The following CNOT8 variants were observed in gnomAD, a reference collection of about 807,000 sequenced individuals.
CNOT8 encodes the protein CAF1-like protein.
A neutral mutation model predicts 34.6 loss-of-function variants in CNOT8; 18 were observed. The observed-to-expected ratio is 0.52, with a 90% CI of 0.36 to 0.77. The LOEUF is 0.77. Among genes scored for constraint, CNOT8 ranks in the 30% least tolerant of loss-of-function variants. The pLI is 0.00. For synonymous variants in CNOT8, 101 were observed against 118.8 expected, an observed-to-expected ratio of 0.85 and a Z score of 0.98; for missense variants, 189 against 347.9, an observed-to-expected ratio of 0.54 and a Z score of 3.63.
intron 3 of CNOT8, chr5:154,870,394 T>G (rs1184947021): frequency 3.6e-5 from 9 of 246,716 alleles, no homozygotes; most frequent in Non-Finnish European, 6.2e-5. Context: ...TTATTGGTTT[T>G]TTTTTTTTTT....
intron 6 of CNOT8, 67 bp downstream of exon 6, chr5:154,872,718 G>T: frequency 1.2e-6 from 1 of 851,066 alleles, no homozygotes; most frequent in Non-Finnish European, 1.9e-6. Flanking sequence ...GGAGGTAGTG[G>T]ATGGTCTGTT....
At chr5:154,861,581 G>C (rs569224175) in intron 1 of CNOT8, among the ~76,000 whole-genome samples, 1 of 152,162 alleles carries the variant, frequency 6.6e-6, no homozygotes, top group Non-Finnish European at 1.5e-5. Context: ...ACTTACATTC[G>C]TTTTACTGTT....
At chr5:154,864,635 T>C (rs1474698567) in intron 2 of CNOT8, among the ~76,000 whole-genome samples, 1 of 152,230 alleles carries the variant, frequency 6.6e-6, no homozygotes, top group Non-Finnish European at 1.5e-5. Flanking sequence ...CTTAATTGAC[T>C]GCATATCTAC....
chr5:154,860,733 T>G (rs1439161947), intron 1 of CNOT8, among the ~76,000 whole-genome samples: 2 of 152,226 alleles, frequency 1.3e-5, no homozygotes, highest in African/African-American at 4.8e-5. Context: ...ATTCAGGGGC[T>G]TGCAAGCTAT....
intron 5 of CNOT8, among the ~76,000 whole-genome samples, chr5:154,872,257 AT>A (rs1762557089): frequency 6.6e-6 from 1 of 152,238 alleles, no homozygotes; most frequent in Non-Finnish European, 1.5e-5. Flanking sequence ...GCTGTCTAGA[AT>A]TAGAGTGGGA....
intron 1 of CNOT8, 39 bp from the exon 2 acceptor site, chr5:154,863,168 G>T (rs1024735133): frequency 1.5e-5 from 11 of 738,302 alleles, no homozygotes; most frequent in South Asian, 1.1e-4. Flanking sequence ...TCTTATGTGT[G>T]TGTAAACTTA....
chr5:154,866,132 G>A (rs1292644683), intron 3 of CNOT8, among the ~76,000 whole-genome samples: 1 of 152,162 alleles, frequency 6.6e-6, no homozygotes, highest in Non-Finnish European at 1.5e-5. Context: ...TTGTTTAACT[G>A]GGCATCGGGA....
intron 6 of CNOT8, among the ~76,000 whole-genome samples, chr5:154,874,018 T>C (rs907185247): frequency 1.3e-5 from 2 of 152,194 alleles, no homozygotes; most frequent in African/African-American, 2.4e-5. Flanking sequence ...GTTATCTCAT[T>C]CCTCATAATA....
rs1287408026 is a variant in CNOT8 at position 154,863,769 on chromosome 5, A to AT, written c.117+380dup. Among the ~76,000 whole-genome samples, 11 of 152,268 alleles carry AT rather than the reference A, an allele frequency of 7.2e-5. 1 individual carries two copies. The East Asian group carries it at 1.5e-3, about 21-fold the overall frequency. On this transcript the variant is annotated intron_variant, in intron 2 of 6. Transcript: ENST00000285896. ...AAGGATGTAACCTCTAGTATCTTAG[A>AT]TTTTTTATAACATTATTCTGTTTGA...
At chr5:154,865,445 G>C in intron 3 of CNOT8, 60 bp downstream of exon 3, 1 of 1,283,350 alleles carries the variant, frequency 7.8e-7, no homozygotes. Flanking sequence ...AATCCAGGTG[G>C]GTGTTGGATA....
rs559373413 is a variant in CNOT8 at position 154,875,142 on chromosome 5, C to T, written c.730-148C>T. 3.7e-6 allele frequency: 3 copies of T among 804,156 alleles called. No homozygotes were observed. In the East Asian group the frequency reaches 7.9e-5, roughly 21 times the overall value. The allele number at this position is 804,156 out of a possible 1,614,324, so 49.8% of individuals were successfully genotyped here. A position where few individuals can be genotyped will look rare whatever the true frequency, so the allele number is the denominator to read the frequency against. ...ATGTTGGCCAGGCTGGTCTCGACCT[C>T]CTGACCCCAAGTGATCTGCCCGCCT... On this transcript the variant is annotated intron_variant, in intron 6 of 6. Coordinates refer to ENST00000285896, the MANE Select transcript of CNOT8 (RefSeq NM_001301073.2).
intron 3 of CNOT8, among the ~76,000 whole-genome samples, chr5:154,866,411 A>AT (rs907839294): frequency 1.3e-5 from 2 of 151,870 alleles, no homozygotes; most frequent in African/African-American, 2.4e-5. Context: ...GGAAGGAGTA[A>AT]TTTTTTTTAT....
intron 3 of CNOT8, among the ~76,000 whole-genome samples, chr5:154,867,959 C>G (rs1035274149): frequency 1.3e-5 from 2 of 151,812 alleles, no homozygotes; most frequent in Non-Finnish European, 2.9e-5. Flanking sequence ...TTTTTTGAAA[C>G]AGAGTCTTGC....
intron 3 of CNOT8, among the ~76,000 whole-genome samples, chr5:154,866,972 CAAA>C (rs141803965): frequency 6.8e-6 from 1 of 146,314 alleles, no homozygotes; most frequent in Non-Finnish European, 1.5e-5. Flanking sequence ...ATAAGCAAAA[CAAA>C]AAAAAAATGT....
chr5:154,869,638 T>C (rs997378500), intron 3 of CNOT8, among the ~76,000 whole-genome samples: 7 of 150,176 alleles, frequency 4.7e-5, no homozygotes, highest in Admixed American at 4.0e-4. Flanking sequence ...TTTTTTTTTT[T>C]TTTTTGAGAG....
chr5:154,875,470 C>T lies in CNOT8; in HGVS notation c.*31C>T. 1 of 1,609,752 alleles carries T rather than the reference C, an allele frequency of 6.2e-7. No individual in the cohort carries two copies. The highest frequency in any genetic ancestry group is 8.5e-7 in the Non-Finnish European group (1 of 1,178,824). The stretch of plus-strand genomic sequence containing the variant: ...CCAGGCTCTGCAGGGTGGGCCTGAT[C>T]CCAGAGTGGTGCTTACTGTGCTGAC... On this transcript the variant is annotated 3_prime_UTR_variant, in exon 7 of 7. Transcript: ENST00000285896.
At chr5:154,867,459 C>T (rs1762009331) in intron 3 of CNOT8, among the ~76,000 whole-genome samples, 1 of 151,982 alleles carries the variant, frequency 6.6e-6, no homozygotes, top group African/African-American at 2.4e-5. Flanking sequence ...ATTCTGTCAT[C>T]TAGTAATTTT....
Position 154,872,325 on chromosome 5 carries a change from T to G in CNOT8, c.619-216T>G, listed in dbSNP as rs371542680. 1.2e-4 allele frequency among the ~76,000 whole-genome samples: 19 copies of G among 152,262 alleles called. 1 individual carries two copies. The South Asian group carries it at 3.9e-3, about 32-fold the overall frequency. ...TTTAATGGCAGAGTTCTGGAAAAATTAACAACATGGAAAGGAGCAAAATGT... is the reference window on the plus strand; with the variant it reads ...TTTAATGGCAGAGTTCTGGAAAAATGAACAACATGGAAAGGAGCAAAATGT... On this transcript the variant is annotated intron_variant, in intron 5 of 6. Coordinates refer to ENST00000285896, the MANE Select transcript of CNOT8 (RefSeq NM_001301073.2).
intron 1 of CNOT8, chr5:154,859,898 C>T (rs1157988827): frequency 1.3e-5 from 2 of 152,198 alleles, no homozygotes; most frequent in African/African-American, 4.8e-5. Context: ...GAAAACCTTT[C>T]CTTCTTGCAC....
Sources: allele counts gnomAD v4.1 joint callset (sites outside exome capture counted in the v4.1 genomes callset), GRCh38; gene constraint gnomAD v4.1.1; transcripts MANE v1.5; gene names NCBI Gene and HGNC (gene_info 2026-07-23, HGNC 2026-07-21).